AKAP6: variants seen among roughly 807,000 people sequenced by gnomAD.
AKAP6 encodes the protein A-kinase anchor protein 6.
AKAP6 carries 58 observed loss-of-function variants against 188.5 expected under a neutral mutation model. The observed-to-expected ratio is 0.31, with a 90% confidence interval of 0.25 to 0.38. AKAP6 has a LOEUF of 0.38. Among genes scored for constraint, AKAP6 ranks in the 10% least tolerant of loss-of-function variants. The pLI is 1.00. For missense variants in AKAP6, 2,710 were observed against 2,740.0 expected (o/e 0.99, Z 0.24); for synonymous variants, 989 against 998.6 (o/e 0.99, Z 0.18).
At chr14:32,563,831 T>C (rs1162912250) in intron 4 of AKAP6, among the ~76,000 whole-genome samples, 1 of 152,242 alleles carries the variant, frequency 6.6e-6, no homozygotes, top group Non-Finnish European at 1.5e-5. Flanking sequence ...AGGAAGTTTA[T>C]ATAGGGAAAT....
intron 2 of AKAP6, among the ~76,000 whole-genome samples, chr14:32,524,658 C>T (rs1882029732): frequency 6.6e-6 from 1 of 152,130 alleles, no homozygotes; most frequent in Non-Finnish European, 1.5e-5. Flanking sequence ...ATGTTGTTTT[C>T]TGGCGCACAA....
At chr14:32,660,464 A>C (rs575360076) in intron 7 of AKAP6, among the ~76,000 whole-genome samples, 3 of 152,244 alleles carry the variant, frequency 2.0e-5, no homozygotes, top group Non-Finnish European at 4.4e-5. Flanking sequence ...TCACTCAAAA[A>C]GCCTGGAAAG....
intron 7 of AKAP6, among the ~76,000 whole-genome samples, chr14:32,675,960 C>T (rs950253945): frequency 5.3e-5 from 8 of 152,088 alleles, no homozygotes; most frequent in African/African-American, 1.2e-4. Flanking sequence ...TGACTTCTCT[C>T]GTTAGGATTG....
rs1422028061 is a variant in AKAP6, at chr14:32,514,127, C to G, written c.325-21427C>G. 2.0e-5 allele frequency among the ~76,000 whole-genome samples: 3 copies of G among 152,172 alleles called. No homozygotes were observed. In the South Asian group the frequency reaches 6.2e-4, roughly 31 times the overall value. On this transcript the variant is annotated intron_variant, in intron 2 of 13. Coordinates refer to ENST00000280979, the MANE Select transcript of AKAP6 (RefSeq NM_004274.5). The stretch of plus-strand genomic sequence containing the variant: ...ATGGAGCTTTCCAAAGGTTAATCGA[C>G]AGCTTGCCTTCCCATCTACCCGATA...
At chr14:32,383,453 G>A (rs1263562979) in intron 1 of AKAP6, among the ~76,000 whole-genome samples, 1 of 152,072 alleles carries the variant, frequency 6.6e-6, no homozygotes, top group African/African-American at 2.4e-5. Context: ...AACCTGTAAC[G>A]TGTCACATAC....
intron 8 of AKAP6, among the ~76,000 whole-genome samples, chr14:32,688,005 C>T (rs1890006506): frequency 6.6e-6 from 1 of 151,988 alleles, no homozygotes; most frequent in African/African-American, 2.4e-5. Flanking sequence ...TTGATGACAT[C>T]CATGCCAAGA....
At chr14:32,348,230 TG>T (rs1176484533) in intron 1 of AKAP6, among the ~76,000 whole-genome samples, 1 of 152,192 alleles carries the variant, frequency 6.6e-6, no homozygotes, top group Non-Finnish European at 1.5e-5. Flanking sequence ...AGGGATCACC[TG>T]GCCTTGCCCA....
chr14:32,583,850 A>G (rs1566589065), intron 5 of AKAP6, among the ~76,000 whole-genome samples: 2 of 152,158 alleles, frequency 1.3e-5, no homozygotes, highest in Non-Finnish European at 2.9e-5. Context: ...TTAGGGTGGG[A>G]GTGACCTGAT....
In AKAP6 at chr14:32,823,079, C is replaced by T. The variant is rs1316417361; in HGVS notation, c.5266C>T (p.Leu1756Phe). The change falls in exon 13 of 14, where the codon CTC becomes TTC. Residue 1756 changes from leucine (L) to phenylalanine (F), a missense_variant. Transcript: ENST00000280979. The stretch of plus-strand genomic sequence containing the variant: ...TGATGATGAAGATGACAGCGACCTG[C>T]TCTCCAGCTCTACCCTTACCTTGAC... Reference protein sequence around the residue: ...CTDDEDDSDLLSSSTLTLTEE... With the variant: ...CTDDEDDSDLFSSSTLTLTEE... The T allele has an allele frequency of 6.2e-7, 1 of 1,613,714 alleles. No individual in the cohort carries two copies. The highest frequency in any genetic ancestry group is 8.5e-7 in the Non-Finnish European group (1 of 1,179,902).
intron 5 of AKAP6, among the ~76,000 whole-genome samples, chr14:32,587,211 T>C (rs1885290481): frequency 7.2e-6 from 1 of 139,806 alleles, no homozygotes; most frequent in East Asian, 3.0e-4. Flanking sequence ...AGCCTGTTTT[T>C]CTGTTGGTCA....
intron 13 of AKAP6, among the ~76,000 whole-genome samples, chr14:32,826,176 C>T (rs2034668666): frequency 6.6e-6 from 1 of 151,958 alleles, no homozygotes; most frequent in Admixed American, 6.6e-5. Context: ...TAAGGGGGGG[C>T]ATCTATACCA....
intron 2 of AKAP6, among the ~76,000 whole-genome samples, chr14:32,511,953 A>T (rs1325420484): frequency 6.6e-6 from 1 of 152,202 alleles, no homozygotes; most frequent in African/African-American, 2.4e-5. Context: ...CCATCCTTGT[A>T]AATCTCTCAC....
At chr14:32,404,704 A>ATATATG (rs1566485589) in intron 1 of AKAP6, among the ~76,000 whole-genome samples, 1 of 130,826 alleles carries the variant, frequency 7.6e-6, no homozygotes, top group Non-Finnish European at 1.7e-5. Context: ...ATATATATAT[A>ATATATG]TATATATTAG....
rs1234076189 is a variant in AKAP6, at chr14:32,824,655, C to A, written c.6842C>A (p.Ser2281Tyr). Reference protein sequence around the residue: ...ASAKSKVQDLSLKANQPTDKA... With the variant: ...ASAKSKVQDLYLKANQPTDKA... ...GCCAAATCTAAAGTTCAAGACCTCT[C>A]CTTGAAGGCAAATCAGCCAACAGAC... The change falls in exon 13 of 14, where the codon TCC becomes TAC. Residue 2281 changes from serine (S) to tyrosine (Y), a missense_variant. By Grantham distance (144) the Ser-to-Tyr change is moderately radical. Transcript: ENST00000280979. 1 of 1,613,924 alleles carries A rather than the reference C, an allele frequency of 6.2e-7. No homozygotes were observed. The highest frequency in any genetic ancestry group is 2.2e-5 in the East Asian group (1 of 44,878).
chr14:32,349,118 AT>A (rs1887172253), intron 1 of AKAP6, among the ~76,000 whole-genome samples: 1 of 152,210 alleles, frequency 6.6e-6, no homozygotes, highest in Non-Finnish European at 1.5e-5. Flanking sequence ...GACGTACAGG[AT>A]TTGTTTAAAG....
At chr14:32,662,081 A>G (rs1888726900) in intron 7 of AKAP6, among the ~76,000 whole-genome samples, 1 of 152,134 alleles carries the variant, frequency 6.6e-6, no homozygotes, top group South Asian at 2.1e-4. Flanking sequence ...GAATCTGTTA[A>G]TTTGCATACT....
chr14:32,785,294 G>GA (rs2033367823), intron 12 of AKAP6, among the ~76,000 whole-genome samples: 1 of 152,052 alleles, frequency 6.6e-6, no homozygotes, highest in Non-Finnish European at 1.5e-5. Flanking sequence ...AGAAATAACA[G>GA]AATAAAGAAA....
At chr14:32,819,944 T>A (rs779730804) in intron 12 of AKAP6, among the ~76,000 whole-genome samples, 1 of 151,848 alleles carries the variant, frequency 6.6e-6, no homozygotes, top group Non-Finnish European at 1.5e-5. Flanking sequence ...CAAGACTGTG[T>A]CAAAAAAAGA....
chr14:32,728,137 C>T (rs777486226), intron 9 of AKAP6, among the ~76,000 whole-genome samples: 25 of 148,812 alleles, frequency 1.7e-4, no homozygotes, highest in Non-Finnish European at 2.5e-4. Context: ...CATGAAGCCT[C>T]GAATGAGGAG....
Sources: gnomAD v4.1 joint callset for allele counts (sites outside exome capture counted in the v4.1 genomes callset) on GRCh38, gnomAD v4.1.1 for gene constraint, MANE v1.5 for transcripts, NCBI Gene and HGNC (gene_info 2026-07-23, HGNC 2026-07-21) for gene names.